The following ZNF483 variants were observed in gnomAD, a reference collection of about 807,000 sequenced individuals.
ZNF483 encodes the protein zinc finger protein 483.
Under a neutral mutation model 28.6 loss-of-function variants are expected in ZNF483, and 9 were observed. That is an observed-to-expected ratio of 0.32 (90% confidence interval 0.19 to 0.55). The LOEUF is 0.55. ZNF483 is among the 20% of genes least tolerant of loss of function. The pLI, the probability that ZNF483 is intolerant of heterozygous loss-of-function variation, is 0.93. For missense variants in ZNF483, 675 were observed against 871.7 expected (o/e 0.77, Z 2.84); for synonymous variants, 322 against 306.2 (o/e 1.05, Z -0.54).
chr9:111,537,519 G>A (rs1394456921), intron 5 of ZNF483, among the ~76,000 whole-genome samples: 7 of 151,808 alleles, frequency 4.6e-5, no homozygotes, highest in Admixed American at 3.3e-4. Flanking sequence ...GGCCTACCTG[G>A]CATTTTAAGT....
chr9:111,574,492 G>T (rs903050615), intron 5 of ZNF483: 8 of 251,020 alleles, frequency 3.2e-5, no homozygotes, highest in East Asian at 9.4e-5. Context: ...GGGACTACAG[G>T]TGTACACCAC....
chr9:111,563,349 G>T, intron 5 of ZNF483: 2 of 1,024,008 alleles, frequency 2.0e-6, no homozygotes, highest in Non-Finnish European at 2.8e-6. Flanking sequence ...AATAAGAGAT[G>T]GAAGTCCTGT....
rs955404346 is a variant in ZNF483 at position 111,543,466 on chromosome 9, A to G, written c.*296A>G. The G allele has an allele frequency of 2.1e-5, 23 of 1,096,076 alleles. No homozygotes were observed. In the Admixed American group the frequency reaches 6.7e-4, roughly 32 times the overall value. 67.9% of individuals were successfully genotyped at this position (1,096,076 alleles called of 1,614,324 possible). Reference sequence around the variant, plus strand: ...TCTCTGATTTCTTCTACTACCATGTAGTGTGATGGAGAGAACTTGACTGCA... The same window carrying G: ...TCTCTGATTTCTTCTACTACCATGTGGTGTGATGGAGAGAACTTGACTGCA... On this transcript the variant is annotated 3_prime_UTR_variant, in exon 6 of 6. Transcript: ENST00000309235.
intron 5 of ZNF483, 106 bp from the exon 6 acceptor site, chr9:111,541,551 C>A (rs950273204): frequency 5.9e-6 from 5 of 851,618 alleles, no homozygotes; most frequent in African/African-American, 3.5e-5. Context: ...TGAGAACCAT[C>A]GAAACTATAT....
At chr9:111,526,262 TAG>T (rs1323094492) in intron 1 of ZNF483, among the ~76,000 whole-genome samples, 1 of 152,074 alleles carries the variant, frequency 6.6e-6, no homozygotes, top group African/African-American at 2.4e-5. Context: ...GGAGAGTATG[TAG>T]AGAGAGAGGA....
downstream of ZNF483, among the ~76,000 whole-genome samples, chr9:111,556,453 C>T (rs1350583067): frequency 1.2e-4 from 18 of 152,242 alleles, no homozygotes; most frequent in Admixed American, 9.8e-4. Flanking sequence ...TCTGCACTGC[C>T]GTAGTAGAGG....
chr9:111,563,082 A>G (rs1828381806), intron 5 of ZNF483: 2 of 1,602,204 alleles, frequency 1.2e-6, no homozygotes, highest in East Asian at 2.2e-5. Flanking sequence ...AAATTAACTA[A>G]TCATCTAAAT....
chr9:111,561,110 T>TATATATATATAGAGAGAG (rs1457364862), intron 5 of ZNF483, among the ~76,000 whole-genome samples: 1 of 19,192 alleles, frequency 5.2e-5, no homozygotes, highest in African/African-American at 3.9e-4. Flanking sequence ...TATATATATA[T>TATATATATATAGAGAGAG]AGAGAGAGAG....
At position 111,553,211 on chromosome 9, in the gene ZNF483, T is replaced by A. The variant is rs1198490992; in HGVS notation, c.*10041T>A. ...ACTTTTGAATAGAACAAACAGCTTT[T>A]CCATTTTGCTCTGCTGCAGTAAATT... On this transcript the variant is annotated 3_prime_UTR_variant, in exon 6 of 6. Transcript: ENST00000309235. 1.3e-5 allele frequency among the ~76,000 whole-genome samples: 2 copies of A among 152,232 alleles called. No homozygotes were observed. Among genetic ancestry groups the A allele is most frequent in the East Asian group, 3.8e-4 (2 of 5,204 alleles).
Position 111,542,063 on chromosome 9 carries a change from A to G in ZNF483, c.1128A>G (p.Glu376=). The G allele has an allele frequency of 6.2e-7, 1 of 1,614,156 alleles. No homozygotes were observed. Among genetic ancestry groups the G allele is most frequent in the Non-Finnish European group, 8.5e-7 (1 of 1,180,022 alleles). Residue 376 remains glutamate (E), a synonymous_variant, in exon 6 of 6, where the codon GAA becomes GAG. Coordinates refer to ENST00000309235, the MANE Select transcript of ZNF483 (RefSeq NM_133464.5). The surrounding 1 kb of genome is among the most constrained non-coding windows in gnomAD (Gnocchi z 6.2). ...TGAGTCACTCTTCAGCTCTTACTGA[A>G]CATCAGAAACGTCAGAAGATTCATT... is the stretch of plus-strand genomic sequence containing the variant. ...KVLSHSSALT[E]HQKRQKIHLG...
chr9:111,539,787 A>G lies in ZNF483; in HGVS notation c.722-1870A>G, dbSNP rs1244212434. ...AAAAAAAAAAAAAAGAGAATGAACA[A>G]TTATATCTATATGATGATCATCATG... On this transcript the variant is annotated intron_variant, in intron 5 of 5. Coordinates refer to ENST00000309235, the MANE Select transcript of ZNF483 (RefSeq NM_133464.5). 4 of 187,052 alleles carry G rather than the reference A, an allele frequency of 2.1e-5. 1 individual carries two copies. Among genetic ancestry groups the G allele is most frequent in the South Asian group, 2.0e-4 (2 of 9,864 alleles). The allele number at this position is 187,052 out of a possible 1,614,324, so 11.6% of individuals were successfully genotyped here.
intron 5 of ZNF483, among the ~76,000 whole-genome samples, chr9:111,537,628 A>G (rs1185302137): frequency 7.0e-6 from 1 of 142,986 alleles, no homozygotes; most frequent in Admixed American, 6.8e-5. Flanking sequence ...TTATGCAGTT[A>G]TTATTATTAT....
intron 5 of ZNF483, among the ~76,000 whole-genome samples, chr9:111,567,934 G>T (rs141170779): frequency 1.3e-5 from 2 of 152,082 alleles, no homozygotes; most frequent in Non-Finnish European, 2.9e-5. Context: ...AATTTCTTAC[G>T]CCTGTCTTAC....
chr9:111,565,008 C>T (rs1828491892), intron 5 of ZNF483, among the ~76,000 whole-genome samples: 1 of 152,022 alleles, frequency 6.6e-6, no homozygotes, highest in African/African-American at 2.4e-5. Context: ...CCTGTAATCC[C>T]AGCTAGTCAG....
intron 5 of ZNF483, 40 bp downstream of exon 5, chr9:111,534,393 G>A: frequency 6.5e-7 from 1 of 1,535,834 alleles, no homozygotes; most frequent in Non-Finnish European, 9.0e-7. Flanking sequence ...TAAAGCAGTT[G>A]TTTAGCAAGT....
chr9:111,562,185 TTAAA>T (rs1247005250), intron 5 of ZNF483, among the ~76,000 whole-genome samples: 1 of 152,068 alleles, frequency 6.6e-6, no homozygotes, highest in Non-Finnish European at 1.5e-5. Context: ...TGCTGGTGTT[TTAAA>T]TAAATGTATA....
Position 111,541,727 on chromosome 9 carries a change from C to G in ZNF483, c.792C>G (p.Ser264=), listed in dbSNP as rs1464637194. ...RDDDHGLMEE[S]QQYCGSSEED... ...ATGATCATGGCTTGATGGAAGAATC[C>G]CAGCAATATTGTGGCAGCTCAGAGG... The change falls in exon 6 of 6, where the codon TCC becomes TCG. Residue 264 remains serine, a synonymous_variant. Coordinates refer to ENST00000309235, the MANE Select transcript of ZNF483 (RefSeq NM_133464.5). 1 of 1,613,838 alleles carries G rather than the reference C, an allele frequency of 6.2e-7. No individual in the cohort carries two copies. Among genetic ancestry groups the G allele is most frequent in the Admixed American group, 1.7e-5 (1 of 59,974 alleles).
intron 5 of ZNF483, chr9:111,564,277 TTTATTATTATTATTA>T (rs3031175): frequency 0.013 from 6,192 of 486,326 alleles, 359 homozygotes; most frequent in African/African-American, 0.13. Context: ...AATTTAAACT[TTTATTATTATTATTA>T]TTATTATTAT....
chr9:111,543,876 TC>T lies in ZNF483; in HGVS notation c.*708del, dbSNP rs900299395. ...CTCAAGTGATCCTTCCATCTCACTT[TC>T]CTGAGTAGCTGACATTACGGGTACA... On this transcript the variant is annotated 3_prime_UTR_variant, in exon 6 of 6. Transcript: ENST00000309235. 9.1e-6 allele frequency: 9 copies of T among 983,770 alleles called. No homozygotes were observed. The African/African-American group carries it at 1.6e-4, about 17-fold the overall frequency. 60.9% of individuals were successfully genotyped at this position (983,770 alleles called of 1,614,324 possible). A position where few individuals can be genotyped will look rare whatever the true frequency, so the allele number is the denominator to read the frequency against.
Sources: gnomAD v4.1 joint callset for allele counts (sites outside exome capture counted in the v4.1 genomes callset) on GRCh38, gnomAD v4.1.1 for gene constraint, Gnocchi (gnomAD v3.1) non-coding constraint, MANE v1.5 for transcripts, NCBI Gene and HGNC (gene_info 2026-07-23, HGNC 2026-07-21) for gene names.